CELF2: variants seen among roughly 807,000 people sequenced by gnomAD.
CELF2 encodes CUG triplet repeat RNA-binding protein 2.
Under a neutral mutation model 62.6 loss-of-function variants are expected in CELF2, and 8 were observed. The ratio of observed to expected loss-of-function variants is 0.13; its 90% CI spans 0.07 to 0.23. The LOEUF (loss-of-function observed/expected upper bound fraction) is 0.23, where lower values mean the gene tolerates loss of function less well. CELF2 is among the 10% of genes least tolerant of loss of function. The probability of loss-of-function intolerance (pLI) is 1.00; values close to 1 mark genes in which losing one functional copy is unlikely to be tolerated. For missense variants in CELF2, 333 were observed against 671.0 expected (o/e 0.50, Z 5.56); for synonymous variants, 258 against 250.0 (o/e 1.03, Z -0.30).
the CELF2 span, among the ~76,000 whole-genome samples, chr10:10,718,812 T>G: frequency 6.6e-6 from 1 of 151,992 alleles, no homozygotes; most frequent in African/African-American, 2.4e-5. Context: ...ACTTGTCACC[T>G]GCTGATAGGA....
rs901833587 is a variant in CELF2 at position 11,270,895 on chromosome 10, C to A, written c.777+71C>A. 2 of 1,256,342 alleles carry A rather than the reference C, an allele frequency of 1.6e-6. No individual in the cohort carries two copies. The highest frequency in any genetic ancestry group is 2.1e-6 in the Non-Finnish European group (2 of 963,890). The allele number at this position is 1,256,342 out of a possible 1,614,324, so 77.8% of individuals were successfully genotyped here. ...TGCAAACTGACTTTTCCCCTCCCTA[C>A]GCTGAGGCATTTGTTTTCAGTACAT... On this transcript the variant is annotated intron_variant, in intron 7 of 12. Coordinates refer to ENST00000633077, the MANE Select transcript of CELF2 (RefSeq NM_001326342.2). This position sits in a 1 kb window ranked among gnomAD's most constrained non-coding sequence, Gnocchi z 5.8.
At chr10:10,595,455 C>A in the CELF2 span, among the ~76,000 whole-genome samples, 8 of 152,054 alleles carry the variant, frequency 5.3e-5, no homozygotes, top group Non-Finnish European at 1.0e-4. Context: ...AGGTGGGAGG[C>A]AGGACTCGAC....
chr10:10,691,883 G>C, the CELF2 span, among the ~76,000 whole-genome samples: 1 of 149,366 alleles, frequency 6.7e-6, no homozygotes, highest in East Asian at 2.0e-4. Flanking sequence ...ATTTGTTTGA[G>C]TTCATTGTAG....
the CELF2 span, among the ~76,000 whole-genome samples, chr10:10,538,678 G>C: frequency 6.6e-6 from 1 of 152,140 alleles, no homozygotes; most frequent in African/African-American, 2.4e-5. Flanking sequence ...ATGGGTAGCA[G>C]TTTGGTATTG....
intron 9 of CELF2, among the ~76,000 whole-genome samples, chr10:11,313,699 C>T (rs564412310): frequency 7.2e-5 from 11 of 151,742 alleles, no homozygotes; most frequent in Admixed American, 2.6e-4. Flanking sequence ...CTCTCCCAGT[C>T]ACTGTATGAG....
At chr10:10,611,732 T>TCA in the CELF2 span, among the ~76,000 whole-genome samples, 1 of 152,262 alleles carries the variant, frequency 6.6e-6, no homozygotes, top group African/African-American at 2.4e-5. Flanking sequence ...ACTCAAATAC[T>TCA]CACACACACC....
chr10:10,982,336 G>A (rs2052238371), intron 2 of CELF2, among the ~76,000 whole-genome samples: 1 of 152,120 alleles, frequency 6.6e-6, no homozygotes, highest in Non-Finnish European at 1.5e-5. Context: ...AGGTAGAGGT[G>A]TAGAAGTCTT....
rs970368729 is a variant in CELF2 at position 11,260,527 on chromosome 10, T to G, written c.538+2655T>G. Among the ~76,000 whole-genome samples the G allele has an allele frequency of 6.6e-6, 1 of 152,212 alleles. No homozygotes were observed. Among genetic ancestry groups the G allele is most frequent in the Non-Finnish European group, 1.5e-5 (1 of 68,038 alleles). On this transcript the variant is annotated intron_variant, in intron 5 of 12. Transcript: ENST00000633077. The surrounding 1 kb of genome is among the most constrained non-coding windows in gnomAD (Gnocchi z 4.2). Reference sequence around the variant, plus strand: ...TAATTTGATCTGCCATTTGGTTGATTAACCAGCACTTGACACCAGAAGCAG... The same window carrying G: ...TAATTTGATCTGCCATTTGGTTGATGAACCAGCACTTGACACCAGAAGCAG...
intron 2 of CELF2, among the ~76,000 whole-genome samples, chr10:10,968,841 A>G (rs561477224): frequency 6.6e-6 from 1 of 152,342 alleles, no homozygotes; most frequent in East Asian, 1.9e-4. Flanking sequence ...GGTTATGGAT[A>G]AAGTTGTTAT....
Position 10,975,600 on chromosome 10 carries a change from T to C in CELF2, c.89+55601T>C, listed in dbSNP as rs1024710448. Among the ~76,000 whole-genome samples, 6 of 152,240 alleles carry C rather than the reference T, an allele frequency of 3.9e-5. No individual in the cohort carries two copies. The South Asian group carries it at 6.2e-4, about 16-fold the overall frequency. On this transcript the variant is annotated intron_variant, in intron 2 of 13. Coordinates refer to the CELF2 transcript ENST00000636488. Reference sequence around the variant, plus strand: ...ATGGAGATCTTAGTACTTGCATTTGTGATATTCACAGACACTTGTAGGTGG... The same window carrying C: ...ATGGAGATCTTAGTACTTGCATTTGCGATATTCACAGACACTTGTAGGTGG...
At chr10:10,630,156 A>G in the CELF2 span, among the ~76,000 whole-genome samples, 2 of 152,154 alleles carry the variant, frequency 1.3e-5, no homozygotes, top group South Asian at 4.2e-4. Flanking sequence ...TTTAACACAG[A>G]CCTATGATTT....
At chr10:10,469,651 T>A in the CELF2 span, among the ~76,000 whole-genome samples, 1 of 151,908 alleles carries the variant, frequency 6.6e-6, no homozygotes, top group African/African-American at 2.4e-5. Context: ...GTAATACTAG[T>A]GTCATAAAAT....
intron 2 of CELF2, among the ~76,000 whole-genome samples, chr10:10,978,703 T>G (rs1434612301): frequency 6.6e-6 from 1 of 152,168 alleles, no homozygotes; most frequent in African/African-American, 2.4e-5. Flanking sequence ...AAGAATAAAT[T>G]GGCAAGACTC....
At chr10:11,162,851 G>C (rs2066035939) in intron 1 of CELF2, among the ~76,000 whole-genome samples, 1 of 152,130 alleles carries the variant, frequency 6.6e-6, no homozygotes, top group African/African-American at 2.4e-5. Flanking sequence ...CTTGTATTAA[G>C]CACATGAGTC....
the CELF2 span, among the ~76,000 whole-genome samples, chr10:10,734,056 A>G: frequency 7.5e-4 from 115 of 152,334 alleles, no homozygotes; most frequent in African/African-American, 2.5e-3. Context: ...CTAATTGTTC[A>G]ACAAACCTCA....
At chr10:10,705,988 G>A in the CELF2 span, among the ~76,000 whole-genome samples, 1 of 152,114 alleles carries the variant, frequency 6.6e-6, no homozygotes, top group Non-Finnish European at 1.5e-5. Flanking sequence ...ACTCACTGGT[G>A]CCACACTCTA....
the CELF2 span, among the ~76,000 whole-genome samples, chr10:10,764,428 A>G: frequency 1.3e-5 from 2 of 152,088 alleles, no homozygotes; most frequent in Admixed American, 1.3e-4. Context: ...AACAAATACG[A>G]TGGAGCACTT....
the CELF2 span, among the ~76,000 whole-genome samples, chr10:10,641,887 C>T: frequency 6.6e-6 from 1 of 152,044 alleles, no homozygotes; most frequent in Admixed American, 6.5e-5. Context: ...TGCATTAATT[C>T]CCCCTCCTTT....
At chr10:11,254,846 G>A (rs2078200633) in intron 4 of CELF2, among the ~76,000 whole-genome samples, 1 of 152,024 alleles carries the variant, frequency 6.6e-6, no homozygotes, top group South Asian at 2.1e-4. Context: ...GAGGGAAGGA[G>A]GAGTCCTGCT....
Sources: gnomAD v4.1 joint callset for allele counts (sites outside exome capture counted in the v4.1 genomes callset) on GRCh38, gnomAD v4.1.1 for gene constraint, Gnocchi (gnomAD v3.1) non-coding constraint, MANE v1.5 for transcripts, NCBI Gene and HGNC (gene_info 2026-07-23, HGNC 2026-07-21) for gene names.